PLEKHB2: variants seen among roughly 807,000 people sequenced by gnomAD.
PLEKHB2 encodes pleckstrin homology domain containing B2, also known as pleckstrin homology domain-containing family B member 2.
PLEKHB2 carries 31 observed loss-of-function variants against 36.5 expected under a neutral mutation model. That is an observed-to-expected ratio of 0.85 (90% CI 0.64 to 1.15). The LOEUF is 1.15. Among genes scored for constraint, PLEKHB2 ranks in the 50% most tolerant of loss-of-function variants. PLEKHB2 has a pLI of 0.00. For missense variants in PLEKHB2, 262 were observed against 295.3 expected (o/e 0.89, Z 0.83); for synonymous variants, 119 against 112.0 (o/e 1.06, Z -0.39).
In PLEKHB2 at chr2:131,147,888, T is replaced by C. The variant is rs1699413795; in HGVS notation, c.*1115T>C. On this transcript the variant is annotated 3_prime_UTR_variant, in exon 8 of 8. Coordinates refer to ENST00000693505, the MANE Select transcript of PLEKHB2 (RefSeq NM_001100623.2). ...GCTTTATTCCAAGAGGCTGTTTGAGTGTGTGTCTGCCTAAGCCTCCTTATA... is the reference window on the plus strand; with the variant it reads ...GCTTTATTCCAAGAGGCTGTTTGAGCGTGTGTCTGCCTAAGCCTCCTTATA... The C allele has an allele frequency of 6.6e-6, 1 of 151,792 alleles. No individual in the cohort carries two copies. Among genetic ancestry groups the C allele is most frequent in the South Asian group, 2.1e-4 (1 of 4,796 alleles). 9.4% of individuals were successfully genotyped at this position (151,792 alleles called of 1,614,324 possible).
At chr2:131,109,755 C>G (rs1695104418) in intron 1 of PLEKHB2, among the ~76,000 whole-genome samples, 1 of 152,012 alleles carries the variant, frequency 6.6e-6, no homozygotes, top group African/African-American at 2.4e-5. Flanking sequence ...AAAAATATAT[C>G]AATCTCTTGT....
chr2:131,107,763 A>G (rs1694884172), intron 1 of PLEKHB2: 1 of 152,196 alleles, frequency 6.6e-6, no homozygotes, highest in Non-Finnish European at 1.5e-5. Flanking sequence ...CCCGGGTTCA[A>G]GGGAGTCCCC....
rs975740168 is a variant in PLEKHB2 at position 131,147,891 on chromosome 2, G to A, written c.*1118G>A. 1 of 152,156 alleles carries A rather than the reference G, an allele frequency of 6.6e-6. No homozygotes were observed. 9.4% of individuals were successfully genotyped at this position (152,156 alleles called of 1,614,324 possible). A position where few individuals can be genotyped will look rare whatever the true frequency, so the allele number is the denominator to read the frequency against. ...TTATTCCAAGAGGCTGTTTGAGTGTGTGTCTGCCTAAGCCTCCTTATAGCC... is the reference window on the plus strand; with the variant it reads ...TTATTCCAAGAGGCTGTTTGAGTGTATGTCTGCCTAAGCCTCCTTATAGCC... On this transcript the variant is annotated 3_prime_UTR_variant, in exon 8 of 8. Coordinates refer to ENST00000693505, the MANE Select transcript of PLEKHB2 (RefSeq NM_001100623.2).
chr2:131,143,536 C>T (rs1444610731), intron 7 of PLEKHB2, among the ~76,000 whole-genome samples: 1 of 152,114 alleles, frequency 6.6e-6, no homozygotes, highest in Non-Finnish European at 1.5e-5. Flanking sequence ...AGCATTTTGC[C>T]AAGTTGATCC....
chr2:131,140,623 C>T (rs1698691982), intron 7 of PLEKHB2, among the ~76,000 whole-genome samples: 1 of 152,146 alleles, frequency 6.6e-6, no homozygotes. Flanking sequence ...TGGTGATGTC[C>T]TTGGAAAGTT....
At chr2:131,137,816 G>A (rs532365036) in intron 6 of PLEKHB2, among the ~76,000 whole-genome samples, 4 of 151,970 alleles carry the variant, frequency 2.6e-5, no homozygotes, top group African/African-American at 9.6e-5. Flanking sequence ...TGACTATAAT[G>A]TGTATTTGTG....
intron 2 of PLEKHB2, among the ~76,000 whole-genome samples, chr2:131,123,846 C>CT (rs760246492): frequency 0.022 from 2,588 of 115,098 alleles, 84 homozygotes; most frequent in African/African-American, 0.07. Context: ...CTGTGCCTGG[C>CT]TTTTTTTTTT....
intron 1 of PLEKHB2, among the ~76,000 whole-genome samples, chr2:131,106,012 C>T (rs1694687951): frequency 6.6e-6 from 1 of 152,238 alleles, no homozygotes; most frequent in Non-Finnish European, 1.5e-5. Flanking sequence ...ATTTCACCTG[C>T]TCTTGGCCTT....
intron 7 of PLEKHB2, chr2:131,144,452 A>C: frequency 4.1e-6 from 5 of 1,211,604 alleles, no homozygotes; most frequent in Non-Finnish European, 5.2e-6. Context: ...TTCCAGGGGT[A>C]AGTCCAAGAG....
In PLEKHB2 at chr2:131,132,907, T is replaced by C; in HGVS notation, c.339T>C (p.Tyr113=). 1.2e-6 allele frequency: 2 copies of C among 1,603,622 alleles called. No individual in the cohort carries two copies. Among genetic ancestry groups the C allele is most frequent in the Non-Finnish European group, 1.7e-6 (2 of 1,170,424 alleles). Residue 113 remains tyrosine, a synonymous_variant, in exon 6 of 8, where the codon TAT becomes TAC. Coordinates refer to ENST00000693505, the MANE Select transcript of PLEKHB2 (RefSeq NM_001100623.2). ...CCCTCTCCTGTCTCCCGCAGGCGTA[T>C]GTGGGCTCTGCAGTCATGACCGATG... The part of the protein sequence containing the change: ...TLQDSRTNTA[Y]VGSAVMTDET...
At chr2:131,118,587 C>T (rs1696117735) in intron 1 of PLEKHB2, among the ~76,000 whole-genome samples, 1 of 152,082 alleles carries the variant, frequency 6.6e-6, no homozygotes, top group African/African-American at 2.4e-5. Context: ...AAAGCAAGGC[C>T]AGGCGCGGTG....
At chr2:131,120,856 A>T (rs769783322) in intron 1 of PLEKHB2, 78 bp from the exon 2 acceptor site, 2 of 1,423,532 alleles carry the variant, frequency 1.4e-6, no homozygotes, top group East Asian at 4.5e-5. Context: ...GCTGAAGGGG[A>T]TAAGGATAGA....
At chr2:131,107,083 T>A (rs1694816350) in intron 1 of PLEKHB2, among the ~76,000 whole-genome samples, 1 of 152,210 alleles carries the variant, frequency 6.6e-6, no homozygotes, top group African/African-American at 2.4e-5. Context: ...TGCTTATGCT[T>A]TTCAGCTTGC....
chr2:131,120,902 TGA>T, intron 1 of PLEKHB2, 30 bp from the exon 2 acceptor site: 1 of 1,609,978 alleles, frequency 6.2e-7, no homozygotes. Context: ...TTTCTGGGTA[TGA>T]TTTTGAACCT....
In PLEKHB2 at chr2:131,105,553, T is replaced by C. The variant is rs1694612543; in HGVS notation, c.-9+155T>C. ...GGTGTCCCCACTCCCTAATTTTCCC[T>C]GAGGCTCCTGGCCACGGGTCCGCCC... is the stretch of plus-strand genomic sequence containing the variant. On this transcript the variant is annotated intron_variant, in intron 1 of 7. Transcript: ENST00000693505. Among the ~76,000 whole-genome samples the C allele has an allele frequency of 2.0e-5, 3 of 152,178 alleles. No homozygotes were observed. The South Asian group carries it at 6.2e-4, about 32-fold the overall frequency.
chr2:131,146,487 C>T, intron 7 of PLEKHB2, 150 bp from the exon 8 acceptor site: 1 of 717,454 alleles, frequency 1.4e-6, no homozygotes, highest in Non-Finnish European at 2.2e-6. Flanking sequence ...GGGATGTCGG[C>T]CACATGATGT....
chr2:131,133,076 T>C, intron 6 of PLEKHB2, 85 bp downstream of exon 6: 1 of 857,990 alleles, frequency 1.2e-6, no homozygotes, highest in Non-Finnish European at 2.0e-6. Context: ...TAAATGAAAT[T>C]AGAAATGTAC....
rs1694575195 is a variant in PLEKHB2 at position 131,105,351 on chromosome 2, G to A, written c.-56G>A. On this transcript the variant is annotated 5_prime_UTR_variant, in exon 1 of 8. Coordinates refer to ENST00000693505, the MANE Select transcript of PLEKHB2 (RefSeq NM_001100623.2). ...GACGTGCGGCAGTTGCAGGCGAGCA[G>A]GCGAGGAATCGCCGTGGCGTCTTGG... 1 of 152,224 alleles carries A rather than the reference G, an allele frequency of 6.6e-6. No individual in the cohort carries two copies. Among genetic ancestry groups the A allele is most frequent in the Non-Finnish European group, 1.5e-5 (1 of 68,066 alleles). The allele number at this position is 152,224 out of a possible 1,614,324, so 9.4% of individuals were successfully genotyped here.
At chr2:131,136,148 G>GTGCCCGGCC (rs1698222984) in intron 6 of PLEKHB2, among the ~76,000 whole-genome samples, 1 of 150,456 alleles carries the variant, frequency 6.6e-6, no homozygotes, top group African/African-American at 2.5e-5. Context: ...TTGCCTGCCT[G>GTGCCCGGCC]TCTTCCTGCC....
Sources: gnomAD v4.1 joint callset for allele counts (sites outside exome capture counted in the v4.1 genomes callset) on GRCh38, gnomAD v4.1.1 for gene constraint, MANE v1.5 for transcripts, NCBI Gene and HGNC (gene_info 2026-07-23, HGNC 2026-07-21) for gene names.